SPAG16: variants seen among roughly 807,000 people sequenced by gnomAD.
The protein encoded by SPAG16 is sperm associated antigen 16, also known as sperm-associated antigen 16 protein.
In SPAG16, 86 loss-of-function variants were observed where a neutral mutation model predicts 80.4. That is an observed-to-expected ratio of 1.07 (90% CI 0.90 to 1.28). The LOEUF is 1.28. SPAG16 is among the 50% of genes most tolerant of loss of function. The pLI is 0.00. For missense variants in SPAG16, 870 were observed against 765.3 expected (o/e 1.14, Z -1.61); for synonymous variants, 294 against 265.9 (o/e 1.11, Z -1.03).
At chr2:214,203,692 C>T (rs2058070531) in intron 15 of SPAG16, among the ~76,000 whole-genome samples, 1 of 152,160 alleles carries the variant, frequency 6.6e-6, no homozygotes, top group African/African-American at 2.4e-5. Context: ...CCAGGGAAGC[C>T]ATTTCTGACT....
At chr2:213,560,774 G>T (rs1447458578) in intron 10 of SPAG16, among the ~76,000 whole-genome samples, 1 of 152,064 alleles carries the variant, frequency 6.6e-6, no homozygotes, top group African/African-American at 2.4e-5. Context: ...TATAAATTTA[G>T]TTAGTAAAAG....
chr2:214,176,290 A>C (rs34745239), intron 15 of SPAG16, among the ~76,000 whole-genome samples: 44,953 of 150,792 alleles, frequency 0.3, 8,368 homozygotes, highest in Non-Finnish European at 0.41. Flanking sequence ...TAAAAAAAAA[A>C]CAATATTATT....
chr2:213,898,112 T>C (rs780436910), intron 11 of SPAG16, among the ~76,000 whole-genome samples: 6 of 152,148 alleles, frequency 3.9e-5, no homozygotes, highest in African/African-American at 1.4e-4. Context: ...TTTCCTTTTA[T>C]TGATGAGAAT....
intron 10 of SPAG16, among the ~76,000 whole-genome samples, chr2:213,765,478 T>C (rs2068886672): frequency 6.6e-6 from 1 of 152,256 alleles, no homozygotes; most frequent in Admixed American, 6.5e-5. Flanking sequence ...TTCCCAATTA[T>C]GGAATGCCTT....
chr2:214,318,406 G>T (rs1046494171), intron 15 of SPAG16, among the ~76,000 whole-genome samples: 3 of 122,450 alleles, frequency 2.4e-5, no homozygotes, highest in Non-Finnish European at 5.1e-5. Context: ...TTTTGAGACA[G>T]GGTCTCGCTC....
At chr2:213,644,567 C>A (rs1441576448) in intron 10 of SPAG16, among the ~76,000 whole-genome samples, 3 of 152,180 alleles carry the variant, frequency 2.0e-5, no homozygotes, top group African/African-American at 7.2e-5. Context: ...CTCCCCAAAC[C>A]CAGTAATGCT....
At chr2:214,077,603 C>G (rs1381257066) in intron 13 of SPAG16, among the ~76,000 whole-genome samples, 1 of 152,256 alleles carries the variant, frequency 6.6e-6, no homozygotes, top group African/African-American at 2.4e-5. Context: ...TGTGCAGGCA[C>G]GTTGGCCAGC....
chr2:213,962,642 T>C (rs1411697233), intron 12 of SPAG16, among the ~76,000 whole-genome samples: 1 of 152,242 alleles, frequency 6.6e-6, no homozygotes, highest in East Asian at 1.9e-4. Flanking sequence ...TCTTCCAGCC[T>C]CCAGAAATGT....
At chr2:213,382,519 C>T (rs2067224231) in intron 9 of SPAG16, among the ~76,000 whole-genome samples, 1 of 152,174 alleles carries the variant, frequency 6.6e-6, no homozygotes, top group African/African-American at 2.4e-5. Flanking sequence ...GTTTGAGCAC[C>T]ATTGGGTCTG....
Position 214,391,689 on chromosome 2 carries a change from A to G in SPAG16, c.1721-18451A>G, listed in dbSNP as rs527516429. The stretch of plus-strand genomic sequence containing the variant: ...GAGAAGTAGGGACTCAAATGCCTAA[A>G]GAAGACGACTTCCACATAAATGAGC... On this transcript the variant is annotated intron_variant, in intron 15 of 15. Coordinates refer to ENST00000331683, the MANE Select transcript of SPAG16 (RefSeq NM_024532.5). Among the ~76,000 whole-genome samples, 3 of 152,294 alleles carry G rather than the reference A, an allele frequency of 2.0e-5. No individual in the cohort carries two copies. In the South Asian group the frequency reaches 6.2e-4, roughly 32 times the overall value.
chr2:213,542,619 AAAC>A (rs1218797897), intron 10 of SPAG16, among the ~76,000 whole-genome samples: 1 of 152,166 alleles, frequency 6.6e-6, no homozygotes, highest in African/African-American at 2.4e-5. Context: ...AGAAAAATCA[AAAC>A]AACAAATACT....
chr2:214,021,028 A>G (rs929292297), intron 13 of SPAG16, among the ~76,000 whole-genome samples: 3 of 152,092 alleles, frequency 2.0e-5, no homozygotes, highest in Non-Finnish European at 2.9e-5. Context: ...TAATCATATT[A>G]TTTTCAAAAT....
chr2:213,462,721 T>C (rs2072447415), intron 9 of SPAG16, among the ~76,000 whole-genome samples: 1 of 152,222 alleles, frequency 6.6e-6, no homozygotes, highest in South Asian at 2.1e-4. Flanking sequence ...GCCATGATTG[T>C]AAGTTTCCTG....
At chr2:213,914,315 G>C (rs2077844839) in intron 11 of SPAG16, among the ~76,000 whole-genome samples, 2 of 151,960 alleles carry the variant, frequency 1.3e-5, no homozygotes, top group Admixed American at 1.3e-4. Context: ...TTAATGAAAA[G>C]TGTGACATTA....
intron 10 of SPAG16, among the ~76,000 whole-genome samples, chr2:213,857,593 TA>T (rs2075232118): frequency 6.6e-6 from 1 of 152,210 alleles, no homozygotes; most frequent in Non-Finnish European, 1.5e-5. Flanking sequence ...ACTTCCCATT[TA>T]AAATTCACCT....
chr2:213,742,319 A>G (rs1331577693), intron 10 of SPAG16, among the ~76,000 whole-genome samples: 1 of 152,150 alleles, frequency 6.6e-6, no homozygotes, highest in African/African-American at 2.4e-5. Flanking sequence ...TCAAGAATAC[A>G]AGGACATTAG....
chr2:213,321,494 C>T (rs1166940979), intron 5 of SPAG16, among the ~76,000 whole-genome samples: 1 of 151,998 alleles, frequency 6.6e-6, no homozygotes, highest in Admixed American at 6.6e-5. Context: ...GAAATGTCAG[C>T]TATTATCAAT....
At chr2:214,341,968 A>G (rs898931725) in intron 15 of SPAG16, among the ~76,000 whole-genome samples, 4 of 152,178 alleles carry the variant, frequency 2.6e-5, no homozygotes, top group Non-Finnish European at 2.9e-5. Flanking sequence ...GAAGACTACA[A>G]GATAAAACTG....
chr2:214,258,469 G>GTATATATATA (rs1200065696), intron 15 of SPAG16, among the ~76,000 whole-genome samples: 4 of 68,060 alleles, frequency 5.9e-5, no homozygotes, highest in South Asian at 7.0e-4. Context: ...GTATGTGTGT[G>GTATATATATA]TGTATATATA....
Sources: gnomAD v4.1 joint callset for allele counts (sites outside exome capture counted in the v4.1 genomes callset) on GRCh38, gnomAD v4.1.1 for gene constraint, MANE v1.5 for transcripts, NCBI Gene and HGNC (gene_info 2026-07-23, HGNC 2026-07-21) for gene names.